PBX1: variants seen among roughly 807,000 people sequenced by gnomAD.
The protein encoded by PBX1 is PBX homeobox 1, also known as pre-B-cell leukemia transcription factor 1.
In PBX1, 6 loss-of-function variants were observed where a neutral mutation model predicts 53.4. That is an observed-to-expected ratio of 0.11 (90% confidence interval 0.06 to 0.22). The LOEUF (loss-of-function observed/expected upper bound fraction) is 0.22. PBX1 is among the 10% of genes least tolerant of loss of function. PBX1 has a pLI of 1.00. For synonymous variants in PBX1, 204 were observed against 212.3 expected, an observed-to-expected ratio of 0.96 and a Z score of 0.34; for missense variants, 251 against 551.4, an observed-to-expected ratio of 0.46 and a Z score of 5.46.
At chr1:164,674,780 G>A (rs994091276) in intron 2 of PBX1, 1 of 143,430 alleles carries the variant, frequency 7.0e-6, no homozygotes, top group Non-Finnish European at 1.5e-5. Flanking sequence ...GATCCTGGAG[G>A]CCACTGACCC....
At chr1:164,566,541 C>T (rs1653445602) in intron 2 of PBX1, among the ~76,000 whole-genome samples, 1 of 151,960 alleles carries the variant, frequency 6.6e-6, no homozygotes, top group South Asian at 2.1e-4. Context: ...AGATCCATTC[C>T]TTGTCTTCTG....
intron 5 of PBX1, among the ~76,000 whole-genome samples, chr1:164,809,595 G>T (rs1022524685): frequency 6.6e-6 from 1 of 152,104 alleles, no homozygotes; most frequent in Non-Finnish European, 1.5e-5. Flanking sequence ...ACTAATCATG[G>T]TTTGTTGGAT....
chr1:164,691,124 C>T (rs1158987879), intron 2 of PBX1, among the ~76,000 whole-genome samples: 1 of 148,488 alleles, frequency 6.7e-6, no homozygotes, highest in Non-Finnish European at 1.5e-5. Context: ...AAGTGATTCT[C>T]CTGCCTCAGC....
At chr1:164,663,977 T>A (rs1489336) in intron 2 of PBX1, among the ~76,000 whole-genome samples, 32,176 of 152,102 alleles carry the variant, frequency 0.21, 3,628 homozygotes, top group African/African-American at 0.28. Context: ...TCAAACAGTC[T>A]CCCCATTTGT....
At chr1:164,677,238 GC>G (rs1345563891) in intron 2 of PBX1, among the ~76,000 whole-genome samples, 2 of 151,472 alleles carry the variant, frequency 1.3e-5, no homozygotes, top group East Asian at 3.9e-4. Flanking sequence ...GACTACAGGC[GC>G]CCGCCACCGC....
At chr1:164,690,741 A>G (rs1024451810) in intron 2 of PBX1, among the ~76,000 whole-genome samples, 1 of 152,098 alleles carries the variant, frequency 6.6e-6, no homozygotes, top group African/African-American at 2.4e-5. Context: ...TATTCAGTAT[A>G]TGTTAACCTG....
chr1:164,562,452 TACACACACACAC>T (rs6143458), intron 1 of PBX1, among the ~76,000 whole-genome samples: 48 of 143,396 alleles, frequency 3.3e-4, no homozygotes, highest in South Asian at 7.0e-4. Context: ...GCATTCAGAA[TACACACACACAC>T]ACACACACAC....
intron 2 of PBX1, among the ~76,000 whole-genome samples, chr1:164,776,978 A>AGAGGGGGGG (rs1553244687): frequency 2.2e-5 from 1 of 46,444 alleles, no homozygotes; most frequent in African/African-American, 1.2e-4. Flanking sequence ...AGAGAGAGAG[A>AGAGGGGGGG]GGAGGTGTGG....
At chr1:164,677,083 ATT>A (rs767622214) in intron 2 of PBX1, among the ~76,000 whole-genome samples, 2 of 99,662 alleles carry the variant, frequency 2.0e-5, no homozygotes, top group Admixed American at 1.5e-4. Flanking sequence ...ACTGCTTGAC[ATT>A]TTTTTTTTTT....
intron 6 of PBX1, chr1:164,819,351 T>G (rs1226451615): frequency 6.6e-6 from 1 of 152,280 alleles, no homozygotes; most frequent in Non-Finnish European, 1.5e-5. Context: ...CAGCGATGTT[T>G]CATATTTTAT....
intron 2 of PBX1, among the ~76,000 whole-genome samples, chr1:164,651,307 C>T (rs1269418919): frequency 6.6e-6 from 1 of 151,762 alleles, no homozygotes. Context: ...TGCAAGCTGT[C>T]GGTTTGCATT....
chr1:164,598,932 C>G (rs1655957073), intron 2 of PBX1, among the ~76,000 whole-genome samples: 1 of 152,146 alleles, frequency 6.6e-6, no homozygotes, highest in Non-Finnish European at 1.5e-5. Context: ...CCAGGTTATT[C>G]AACAGGTGTG....
intron 2 of PBX1, among the ~76,000 whole-genome samples, chr1:164,723,798 G>A (rs1289632259): frequency 2.6e-5 from 4 of 152,156 alleles, no homozygotes; most frequent in East Asian, 1.9e-4. Flanking sequence ...AGTCTGTAGC[G>A]CTGGATAATC....
chr1:164,830,705 TAG>T (rs1491068954), intron 8 of PBX1, among the ~76,000 whole-genome samples: 1 of 152,192 alleles, frequency 6.6e-6, no homozygotes, highest in Non-Finnish European at 1.5e-5. Context: ...TTACATAAGA[TAG>T]AGTCTTTGTT....
intron 2 of PBX1, among the ~76,000 whole-genome samples, chr1:164,676,927 T>C (rs1661464402): frequency 6.6e-6 from 1 of 152,142 alleles, no homozygotes; most frequent in Non-Finnish European, 1.5e-5. Flanking sequence ...CTCAACACTG[T>C]CATACCCAGT....
At chr1:164,828,190 T>C (rs930713512) in intron 8 of PBX1, among the ~76,000 whole-genome samples, 2 of 152,234 alleles carry the variant, frequency 1.3e-5, no homozygotes, top group African/African-American at 4.8e-5. Context: ...GTAGAACTAG[T>C]TGCAATGAGT....
intron 2 of PBX1, among the ~76,000 whole-genome samples, chr1:164,604,255 A>G (rs1402612186): frequency 3.3e-5 from 5 of 152,192 alleles, no homozygotes; most frequent in East Asian, 1.9e-4. Flanking sequence ...ATTTAATTCT[A>G]TTGCCACTTC....
At chr1:164,637,796 A>G (rs986668184) in intron 2 of PBX1, among the ~76,000 whole-genome samples, 1 of 152,094 alleles carries the variant, frequency 6.6e-6, no homozygotes, top group African/African-American at 2.4e-5. Context: ...GGAGGAGATT[A>G]TTTCACCAGT....
intron 2 of PBX1, among the ~76,000 whole-genome samples, chr1:164,699,203 A>G (rs1204024928): frequency 1.3e-5 from 2 of 152,208 alleles, no homozygotes; most frequent in African/African-American, 2.4e-5. Flanking sequence ...CTCTCTATCT[A>G]TCTACCTAGA....
Sources: allele counts gnomAD v4.1 joint callset (sites outside exome capture counted in the v4.1 genomes callset), GRCh38; gene constraint gnomAD v4.1.1; transcripts MANE v1.5; gene names NCBI Gene and HGNC (gene_info 2026-07-23, HGNC 2026-07-21).